The following PTPRM variants were observed in gnomAD, a reference collection of about 807,000 sequenced individuals.
The protein encoded by PTPRM is receptor-type tyrosine-protein phosphatase mu.
In PTPRM, 47 loss-of-function variants were observed where a neutral mutation model predicts 186.7. The ratio of observed to expected loss-of-function variants is 0.25; its 90% confidence interval spans 0.20 to 0.32. PTPRM has a LOEUF of 0.32. PTPRM is among the 10% of genes least tolerant of loss of function. The pLI is 1.00. For missense variants in PTPRM, 1,494 were observed against 1,865.0 expected, an observed-to-expected ratio of 0.80 and a Z score of 3.66; for synonymous variants, 668 against 674.9, an observed-to-expected ratio of 0.99 and a Z score of 0.16.
intron 2 of PTPRM, among the ~76,000 whole-genome samples, chr18:7,867,578 G>T (rs1478707440): frequency 1.3e-5 from 2 of 152,198 alleles, no homozygotes; most frequent in African/African-American, 2.4e-5. Context: ...CTGTTAGTCT[G>T]ATGGGCTTCC....
At chr18:8,365,048 C>T (rs147797142) in intron 23 of PTPRM, 1 of 152,232 alleles carries the variant, frequency 6.6e-6, no homozygotes, top group Non-Finnish European at 1.5e-5. Context: ...CTGCCCACCC[C>T]TCCACCCGTC....
intron 14 of PTPRM, among the ~76,000 whole-genome samples, chr18:8,183,114 T>G (rs1040697751): frequency 6.6e-6 from 1 of 152,226 alleles, no homozygotes; most frequent in African/African-American, 2.4e-5. Context: ...TTCAAAACTT[T>G]CTTTGTTTTC....
chr18:8,137,033 CT>C (rs2092654175), intron 13 of PTPRM, among the ~76,000 whole-genome samples: 1 of 152,144 alleles, frequency 6.6e-6, no homozygotes, highest in African/African-American at 2.4e-5. Context: ...TTTAGATTAT[CT>C]TTTGGGACCA....
At chr18:8,144,073 C>T (rs1446969777) in intron 14 of PTPRM, among the ~76,000 whole-genome samples, 1 of 152,176 alleles carries the variant, frequency 6.6e-6, no homozygotes, top group Non-Finnish European at 1.5e-5. Context: ...GCCACTTATT[C>T]ACCAGGAAAT....
intron 9 of PTPRM, among the ~76,000 whole-genome samples, chr18:8,081,203 A>C (rs2090107416): frequency 6.6e-6 from 1 of 152,184 alleles, no homozygotes; most frequent in South Asian, 2.1e-4. Context: ...TGAGGCTTTA[A>C]GTAGAGAAAG....
chr18:8,259,697 GAGTGC>G (rs1275505769), intron 19 of PTPRM, among the ~76,000 whole-genome samples: 1 of 152,090 alleles, frequency 6.6e-6, no homozygotes, highest in Non-Finnish European at 1.5e-5. Context: ...ACCCAGGCTG[GAGTGC>G]AGTGGTGCCA....
At chr18:8,091,348 A>G (rs918524295) in intron 11 of PTPRM, among the ~76,000 whole-genome samples, 1 of 152,136 alleles carries the variant, frequency 6.6e-6, no homozygotes, top group Non-Finnish European at 1.5e-5. Context: ...CTTTGCATCC[A>G]GTCTCTAATA....
intron 14 of PTPRM, among the ~76,000 whole-genome samples, chr18:8,241,725 G>C (rs1601429880): frequency 6.6e-6 from 1 of 152,140 alleles, no homozygotes; most frequent in South Asian, 2.1e-4. Flanking sequence ...AGACATTCAT[G>C]TTTATGACAT....
chr18:8,088,666 G>A, intron 10 of PTPRM, 83 bp from the exon 11 acceptor site: 1 of 1,142,416 alleles, frequency 8.8e-7, no homozygotes, highest in Non-Finnish European at 1.3e-6. Context: ...TGTTCTTAAT[G>A]CTCTTTGTAA....
At chr18:7,965,763 T>C (rs957826718) in intron 7 of PTPRM, among the ~76,000 whole-genome samples, 4 of 152,186 alleles carry the variant, frequency 2.6e-5, no homozygotes, top group African/African-American at 9.7e-5. Flanking sequence ...ACCTCATATG[T>C]CCTGTGTACT....
chr18:7,857,354 G>A (rs963780877), intron 2 of PTPRM, among the ~76,000 whole-genome samples: 1 of 152,118 alleles, frequency 6.6e-6, no homozygotes, highest in African/African-American at 2.4e-5. Flanking sequence ...AAAATATGTA[G>A]CCTGCAGGCT....
At chr18:7,773,310 T>C (rs1460258545) in intron 1 of PTPRM, among the ~76,000 whole-genome samples, 2 of 152,186 alleles carry the variant, frequency 1.3e-5, no homozygotes, top group East Asian at 1.9e-4. Context: ...AATAATTCTT[T>C]GGAAAATATT....
rs147041400 is a variant in PTPRM, at chr18:7,708,076, C to G, written c.74-66073C>G. 7.7e-3 allele frequency among the ~76,000 whole-genome samples: 1,168 copies of G among 152,262 alleles called. 10 individuals are homozygous for G. The highest frequency in any genetic ancestry group is 0.017 in the Middle Eastern group (5 of 294). On this transcript the variant is annotated intron_variant, in intron 1 of 32. Coordinates refer to ENST00000580170, the MANE Select transcript of PTPRM (RefSeq NM_001105244.2). Reference sequence around the variant, plus strand: ...ACCTAGCTGCTTTATTAGGCTCTTTCATTGGCTTTTAGAAAGCATTCAGTA... The same window carrying G: ...ACCTAGCTGCTTTATTAGGCTCTTTGATTGGCTTTTAGAAAGCATTCAGTA...
intron 14 of PTPRM, among the ~76,000 whole-genome samples, chr18:8,178,612 C>T (rs1172328822): frequency 1.3e-5 from 2 of 151,644 alleles, no homozygotes; most frequent in Admixed American, 1.3e-4. Flanking sequence ...GGTGAAACCT[C>T]GTCTCTACTA....
intron 14 of PTPRM, among the ~76,000 whole-genome samples, chr18:8,230,062 T>C (rs527314960): frequency 1.3e-5 from 2 of 152,354 alleles, no homozygotes; most frequent in East Asian, 3.9e-4. Context: ...GGTAGGAAGA[T>C]ACATATCCAA....
chr18:7,869,045 G>A (rs1045422918), intron 2 of PTPRM, among the ~76,000 whole-genome samples: 11 of 152,258 alleles, frequency 7.2e-5, no homozygotes, highest in Admixed American at 2.6e-4. Flanking sequence ...GACACCCCTC[G>A]CCCAGCAAGC....
At chr18:7,842,845 G>T (rs530349583) in intron 2 of PTPRM, among the ~76,000 whole-genome samples, 122 of 128,980 alleles carry the variant, frequency 9.5e-4, no homozygotes, top group Middle Eastern at 3.7e-3. Context: ...TATATATAGA[G>T]AGAGAGAGAG....
chr18:7,601,631 T>A (rs369455799), intron 1 of PTPRM, among the ~76,000 whole-genome samples: 1 of 152,344 alleles, frequency 6.6e-6, no homozygotes, highest in African/African-American at 2.4e-5. Flanking sequence ...CTTTTAAGGA[T>A]CTTTGTCATT....
intron 19 of PTPRM, among the ~76,000 whole-genome samples, chr18:8,273,266 C>G (rs1381864075): frequency 6.6e-6 from 1 of 152,134 alleles, no homozygotes; most frequent in Non-Finnish European, 1.5e-5. Flanking sequence ...TTAGGCTTCT[C>G]CCCCACCCTA....
Sources: gnomAD v4.1 joint callset for allele counts (sites outside exome capture counted in the v4.1 genomes callset) on GRCh38, gnomAD v4.1.1 for gene constraint, MANE v1.5 for transcripts, NCBI Gene and HGNC (gene_info 2026-07-23, HGNC 2026-07-21) for gene names.